ABL1: variants seen among roughly 807,000 people sequenced by gnomAD.
ABL1 encodes the protein ABL proto-oncogene 1, non-receptor tyrosine kinase, also known as tyrosine-protein kinase ABL1.
ABL1 carries 11 observed loss-of-function variants against 94.7 expected under a neutral mutation model. The ratio of observed to expected loss-of-function variants is 0.12; its 90% CI spans 0.07 to 0.19. ABL1 has a LOEUF of 0.19. Ranked by LOEUF, ABL1 falls within the 10% of genes least tolerant of loss-of-function variation. The probability of loss-of-function intolerance (pLI) is 1.00; values close to 1 mark genes in which losing one functional copy is unlikely to be tolerated. For missense variants in ABL1, 1,082 were observed against 1,489.4 expected (o/e 0.73, Z 4.50); for synonymous variants, 656 against 622.4 (o/e 1.05, Z -0.80).
intron 1 of ABL1, among the ~76,000 whole-genome samples, chr9:130,841,152 TC>T (rs1331988080): frequency 2.0e-5 from 3 of 151,762 alleles, no homozygotes; most frequent in Non-Finnish European, 4.4e-5. Flanking sequence ...AAATCTCATT[TC>T]TTTTTTTTTT....
At chr9:130,729,311 T>C (rs566867410) in intron 1 of ABL1, among the ~76,000 whole-genome samples, 1 of 152,344 alleles carries the variant, frequency 6.6e-6, no homozygotes, top group South Asian at 2.1e-4. Context: ...CTGCATAGAA[T>C]CTGGAAGCCA....
At position 130,880,447 on chromosome 9, in the gene ABL1, C is replaced by G; in HGVS notation, c.1514-53C>G. 1 of 1,602,734 alleles carries G rather than the reference C, an allele frequency of 6.2e-7. No individual in the cohort carries two copies. Among genetic ancestry groups the G allele is most frequent in the Non-Finnish European group, 8.5e-7 (1 of 1,171,720 alleles). ...AAAGAGAACCACCACACCAAGCCAACACCAGTACTGATGGCTGCTGGATTT... is the reference window on the plus strand; with the variant it reads ...AAAGAGAACCACCACACCAAGCCAAGACCAGTACTGATGGCTGCTGGATTT... On this transcript the variant is annotated intron_variant, in intron 9 of 10. Coordinates refer to ENST00000318560, the MANE Select transcript of ABL1 (RefSeq NM_005157.6). This position sits in a 1 kb window ranked among gnomAD's most constrained non-coding sequence, Gnocchi z 4.4.
intron 3 of ABL1, among the ~76,000 whole-genome samples, chr9:130,859,677 C>CCTT (rs1831035257): frequency 1.3e-5 from 1 of 78,460 alleles, no homozygotes; most frequent in African/African-American, 6.7e-5. Flanking sequence ...TCTTTCTTTC[C>CCTT]TTTTTTTTTT....
chr9:130,718,838 C>T (rs926437900), intron 1 of ABL1, among the ~76,000 whole-genome samples: 1 of 152,128 alleles, frequency 6.6e-6, no homozygotes, highest in Non-Finnish European at 1.5e-5. Flanking sequence ...GCCATGATCA[C>T]GCCACTGCAC....
At position 130,880,099 on chromosome 9, in the gene ABL1, C is replaced by A. The variant is rs1831425413; in HGVS notation, c.1455C>A (p.Ser485=). Residue 485 remains serine, a synonymous_variant, in exon 9 of 11, where the codon TCC becomes TCA. Coordinates refer to ENST00000318560, the MANE Select transcript of ABL1 (RefSeq NM_005157.6). The surrounding 1 kb of genome is among the most constrained non-coding windows in gnomAD (Gnocchi z 4.4). ...CWQWNPSDRP[S]FAEIHQAFET... is the part of the protein sequence containing the mutation. Reference sequence around the variant, plus strand: ...AGTGGAATCCCTCTGACCGGCCCTCCTTTGCTGAAATCCACCAAGCCTTTG... The same window carrying A: ...AGTGGAATCCCTCTGACCGGCCCTCATTTGCTGAAATCCACCAAGCCTTTG... 1 of 1,614,078 alleles carries A rather than the reference C, an allele frequency of 6.2e-7. No homozygotes were observed. Among genetic ancestry groups the A allele is most frequent in the Non-Finnish European group, 8.5e-7 (1 of 1,180,048 alleles).
intron 1 of ABL1, among the ~76,000 whole-genome samples, chr9:130,767,199 T>A (rs1425003069): frequency 6.6e-6 from 1 of 152,240 alleles, no homozygotes; most frequent in Non-Finnish European, 1.5e-5. Flanking sequence ...CCCCTTTTCA[T>A]TTCTTTGCAG....
Position 130,855,104 on chromosome 9 carries a change from A to C in ABL1, c.549+8A>C. On this transcript the variant is annotated splice_region_variant and intron_variant, in intron 3 of 10. Transcript: ENST00000318560. The stretch of plus-strand genomic sequence containing the variant: ...ACTGCTTCTGATGGCAAGGTAGGGG[A>C]CCCTTGGCAGGGGGCGCTGATGGGC... 6.2e-7 allele frequency: 1 copy of C among 1,609,058 alleles called. No homozygotes were observed. Among genetic ancestry groups the C allele is most frequent in the Non-Finnish European group, 8.5e-7 (1 of 1,176,478 alleles).
Position 130,835,411 on chromosome 9 carries a change from G to C in ABL1, c.-36G>C. The stretch of plus-strand genomic sequence containing the variant: ...GCCGGGCCCGCGGACCGAGCTGGGA[G>C]AGGGGTTCCGGCCCCCGACGTGCTG... On this transcript the variant is annotated 5_prime_UTR_variant, in exon 1 of 11. Coordinates refer to ENST00000318560, the MANE Select transcript of ABL1 (RefSeq NM_005157.6). This position sits in a 1 kb window ranked among gnomAD's most constrained non-coding sequence, Gnocchi z 4.6. 1 of 1,401,934 alleles carries C rather than the reference G, an allele frequency of 7.1e-7. No homozygotes were observed. The highest frequency in any genetic ancestry group is 9.4e-7 in the Non-Finnish European group (1 of 1,065,606). The allele number at this position is 1,401,934 out of a possible 1,614,324, so 86.8% of individuals were successfully genotyped here. A position where few individuals can be genotyped will look rare whatever the true frequency, so the allele number is the denominator to read the frequency against.
Position 130,885,518 on chromosome 9 carries a change from A to C in ABL1, c.3228A>C (p.Gln1076His), listed in dbSNP as rs767992609. ...FCVSYVDSIQ[Q>H]MRNKFAFREA... is the part of the protein sequence containing the mutation. ...TGAGCTATGTGGATTCCATCCAGCAAATGAGGAACAAGTTTGCCTTCCGAG... is the reference window on the plus strand; with the variant it reads ...TGAGCTATGTGGATTCCATCCAGCACATGAGGAACAAGTTTGCCTTCCGAG... Residue 1076 changes from glutamine to histidine, a missense_variant, in exon 11 of 11, where the codon CAA becomes CAC. Physicochemically the swap from Gln to His is conservative, Grantham distance 24 (BLOSUM62 0). Transcript: ENST00000318560. The C allele has an allele frequency of 1.9e-6, 3 of 1,614,156 alleles. No individual in the cohort carries two copies. Among genetic ancestry groups the C allele is most frequent in the Non-Finnish European group, 1.7e-6 (2 of 1,180,030 alleles).
At chr9:130,741,615 A>G (rs547110274) in intron 1 of ABL1, among the ~76,000 whole-genome samples, 1 of 151,878 alleles carries the variant, frequency 6.6e-6, no homozygotes, top group East Asian at 1.9e-4. Context: ...ACCAGTTACC[A>G]TGCCGGAGTA....
chr9:130,875,068 G>A lies in ABL1; in HGVS notation c.1270+16G>A. The A allele has an allele frequency of 6.2e-7, 1 of 1,613,102 alleles. No homozygotes were observed. On this transcript the variant is annotated intron_variant, in intron 7 of 10. Coordinates refer to ENST00000318560, the MANE Select transcript of ABL1 (RefSeq NM_005157.6). ...GACGTCTGGGGTAAGGGCTGCTGCT[G>A]CACTGAAGTGGTCCTTCCTGACTAC... is the stretch of plus-strand genomic sequence containing the variant.
At chr9:130,851,981 G>A (rs964812567) in intron 1 of ABL1, among the ~76,000 whole-genome samples, 1 of 151,968 alleles carries the variant, frequency 6.6e-6, no homozygotes, top group African/African-American at 2.4e-5. Flanking sequence ...GTTTTGCCAT[G>A]TTGGCCAGGC....
intron 1 of ABL1, among the ~76,000 whole-genome samples, chr9:130,773,756 C>T (rs1236879115): frequency 6.7e-6 from 1 of 150,234 alleles, no homozygotes. Context: ...GCTGGGATTA[C>T]AGACATGAGC....
chr9:130,851,195 A>G (rs1196389642), intron 1 of ABL1, among the ~76,000 whole-genome samples: 3 of 152,174 alleles, frequency 2.0e-5, no homozygotes, highest in African/African-American at 4.8e-5. Context: ...GATAATCCCT[A>G]ATAGTGATGG....
rs34783926 is a variant in ABL1, at chr9:130,816,833, A to G, written c.137-37231A>G. ...ATTCTCCTGCCTCAGCCTCCCAAGTAGCTGGGATTAGAGGCATGCACCACC... is the reference window on the plus strand; with the variant it reads ...ATTCTCCTGCCTCAGCCTCCCAAGTGGCTGGGATTAGAGGCATGCACCACC... On this transcript the variant is annotated intron_variant, in intron 1 of 10. Transcript: ENST00000372348. Among the ~76,000 whole-genome samples the G allele has an allele frequency of 6.6e-4, 101 of 152,258 alleles. 1 individual carries two copies. The East Asian group carries it at 0.017, about 26-fold the overall frequency.
At chr9:130,828,081 TTTTATTTA>T (rs923776364) in intron 1 of ABL1, among the ~76,000 whole-genome samples, 1 of 151,810 alleles carries the variant, frequency 6.6e-6, no homozygotes, top group East Asian at 1.9e-4. Flanking sequence ...ATTATTTTTC[TTTTATTTA>T]TTTATTTATT....
intron 1 of ABL1, among the ~76,000 whole-genome samples, chr9:130,736,403 G>T (rs918731174): frequency 6.6e-6 from 1 of 152,178 alleles, no homozygotes; most frequent in African/African-American, 2.4e-5. Context: ...CAAGCTTTGG[G>T]ACTTTTTCCA....
At chr9:130,807,979 G>C (rs1036969651) in intron 1 of ABL1, among the ~76,000 whole-genome samples, 1 of 150,176 alleles carries the variant, frequency 6.7e-6, no homozygotes. Flanking sequence ...GATTACAGGC[G>C]TGAGCCACTG....
At chr9:130,744,788 C>T (rs1831864741) in intron 1 of ABL1, among the ~76,000 whole-genome samples, 2 of 143,712 alleles carry the variant, frequency 1.4e-5, no homozygotes, top group Admixed American at 7.2e-5. Flanking sequence ...ACCCAGGAGG[C>T]GGAGCTTGCA....
Sources: gnomAD v4.1 joint callset for allele counts (sites outside exome capture counted in the v4.1 genomes callset) on GRCh38, gnomAD v4.1.1 for gene constraint, Gnocchi (gnomAD v3.1) non-coding constraint, MANE v1.5 for transcripts, NCBI Gene and HGNC (gene_info 2026-07-23, HGNC 2026-07-21) for gene names.